DIP2C: variants seen among roughly 807,000 people sequenced by gnomAD.
The protein encoded by DIP2C is disco-interacting protein 2 homolog C.
DIP2C carries 33 observed loss-of-function variants against 192.4 expected under a neutral mutation model. That is an observed-to-expected ratio of 0.17 (90% CI 0.13 to 0.23). The LOEUF (loss-of-function observed/expected upper bound fraction) is 0.23, where lower values mean the gene tolerates loss of function less well. Ranked by LOEUF, DIP2C falls within the 10% of genes least tolerant of loss-of-function variation. The pLI is 1.00. For synonymous variants in DIP2C, 979 were observed against 864.1 expected (o/e 1.13, Z -2.33); for missense variants, 1,537 against 2,110.1 (o/e 0.73, Z 5.32).
At chr10:658,433 T>G (rs1856547366) in intron 1 of DIP2C, among the ~76,000 whole-genome samples, 1 of 152,236 alleles carries the variant, frequency 6.6e-6, no homozygotes, top group Non-Finnish European at 1.5e-5. Flanking sequence ...TGCTAACAAA[T>G]GCTGCAGACC....
chr10:300,469 G>A (rs909162351), intron 32 of DIP2C, among the ~76,000 whole-genome samples: 16 of 152,184 alleles, frequency 1.1e-4, no homozygotes, highest in Admixed American at 3.9e-4. Flanking sequence ...AAGTAGAATG[G>A]TGGGTACCAG....
chr10:535,936 C>A (rs761582040), intron 1 of DIP2C, among the ~76,000 whole-genome samples: 1 of 152,238 alleles, frequency 6.6e-6, no homozygotes, highest in Admixed American at 6.5e-5. Flanking sequence ...ATTTCTCTCC[C>A]ATTGCTCCCG....
chr10:689,156 C>CG lies in DIP2C; in HGVS notation c.85+337dup, dbSNP rs1171725672. Reference sequence around the variant, plus strand: ...AGGCCCCACAGACACCCCCAGGGCGCGGGGGGATCGCGGCCCCACAAACAT... The same window carrying CG: ...AGGCCCCACAGACACCCCCAGGGCGCGGGGGGGATCGCGGCCCCACAAACAT... On this transcript the variant is annotated intron_variant, in intron 1 of 36. Coordinates refer to ENST00000280886, the MANE Select transcript of DIP2C (RefSeq NM_014974.3). The surrounding 1 kb of genome is among the most constrained non-coding windows in gnomAD (Gnocchi z 6.1). Among the ~76,000 whole-genome samples, 1 of 150,252 alleles carries CG rather than the reference C, an allele frequency of 6.7e-6. No individual in the cohort carries two copies. Among genetic ancestry groups the CG allele is most frequent in the Non-Finnish European group, 1.5e-5 (1 of 67,422 alleles).
intron 1 of DIP2C, among the ~76,000 whole-genome samples, chr10:616,315 T>TGTCTGTAACG (rs1449908271): frequency 2.6e-5 from 4 of 152,258 alleles, no homozygotes; most frequent in African/African-American, 9.6e-5. Flanking sequence ...AATGAAAACT[T>TGTCTGTAACG]TAATCTGTGT....
At chr10:580,380 A>G (rs1453013565) in intron 1 of DIP2C, among the ~76,000 whole-genome samples, 4 of 152,188 alleles carry the variant, frequency 2.6e-5, no homozygotes, top group South Asian at 2.1e-4. Flanking sequence ...ATGTATATAT[A>G]TAAGTACACA....
chr10:447,423 A>G lies in DIP2C; in HGVS notation c.269-6427T>C, dbSNP rs12778745. Among the ~76,000 whole-genome samples the G allele has an allele frequency of 1.6e-4, 20 of 124,698 alleles. No individual in the cohort carries two copies. In the East Asian group the frequency reaches 1.6e-3, roughly 10 times the overall value. 81.8% of individuals were successfully genotyped at this position (124,698 alleles called of 152,430 possible). Reference sequence around the variant, plus strand: ...GGGGCAGCAGGACCCACTCATCCCCATCTATACTCAGGATCACACACAGTG... The same window carrying G: ...GGGGCAGCAGGACCCACTCATCCCCGTCTATACTCAGGATCACACACAGTG... On this transcript the variant is annotated intron_variant, in intron 3 of 36. Transcript: ENST00000280886.
At chr10:577,659 G>C (rs1461181953) in intron 1 of DIP2C, among the ~76,000 whole-genome samples, 3 of 152,126 alleles carry the variant, frequency 2.0e-5, no homozygotes, top group Non-Finnish European at 4.4e-5. Flanking sequence ...CTGCCTTCAA[G>C]GTGCTCAGAT....
At chr10:516,245 G>A (rs1448111512) in intron 1 of DIP2C, among the ~76,000 whole-genome samples, 2 of 123,756 alleles carry the variant, frequency 1.6e-5, no homozygotes, top group African/African-American at 6.4e-5. Flanking sequence ...ATGTTCCCAC[G>A]TTTATAACCT....
chr10:577,813 G>GT (rs923820982), intron 1 of DIP2C, among the ~76,000 whole-genome samples: 4 of 143,260 alleles, frequency 2.8e-5, no homozygotes, highest in South Asian at 2.1e-4. Context: ...TGTTTCTTTT[G>GT]TTTTTTTGTG....
chr10:459,003 A>AT (rs1353059277), intron 3 of DIP2C, among the ~76,000 whole-genome samples: 98 of 152,292 alleles, frequency 6.4e-4, no homozygotes, highest in African/African-American at 2.1e-3. Context: ...AAAAAAAAAA[A>AT]AAAAAAGCTT....
rs572390098 is a variant in DIP2C, at chr10:295,894, G to GT, written c.3987-7474dup. ...CGTGATGATAAGCATTTTTTCATGT[G>GT]TTTTTTGGCTGCATAAATGTCTTCT... On this transcript the variant is annotated intron_variant, in intron 32 of 36. Transcript: ENST00000280886. 6.6e-5 allele frequency among the ~76,000 whole-genome samples: 10 copies of GT among 152,248 alleles called. No homozygotes were observed. In the South Asian group the frequency reaches 2.1e-3, roughly 32 times the overall value.
intron 1 of DIP2C, among the ~76,000 whole-genome samples, chr10:512,276 T>C (rs939267863): frequency 2.0e-5 from 3 of 152,104 alleles, no homozygotes; most frequent in African/African-American, 7.2e-5. Flanking sequence ...GGGAAAAAAA[T>C]GGGCCAGATG....
intron 2 of DIP2C, among the ~76,000 whole-genome samples, chr10:482,726 G>A (rs958198271): frequency 6.6e-5 from 10 of 152,246 alleles, no homozygotes; most frequent in Admixed American, 4.6e-4. Context: ...AAATCTCCAC[G>A]GCCTGTGTCA....
rs34390976 is a variant in DIP2C, at chr10:393,778, C to CAAAAAAAAAAAAAAAAAAAAAAA, written c.1261-2916_1261-2915insTTTTTTTTTTTTTTTTTTTTTTT. The stretch of plus-strand genomic sequence containing the variant: ...TGGGTGACAGAGCGAGACTCCGTCT[C>CAAAAAAAAAAAAAAAAAAAAAAA]AAAAAAAAAAAAAAAAAAGAAAAAA... On this transcript the variant is annotated intron_variant, in intron 10 of 36. Coordinates refer to ENST00000280886, the MANE Select transcript of DIP2C (RefSeq NM_014974.3). Among the ~76,000 whole-genome samples, 5 of 66,530 alleles carry CAAAAAAAAAAAAAAAAAAAAAAA rather than the reference C, an allele frequency of 7.5e-5. 1 individual carries two copies. The highest frequency in any genetic ancestry group is 1.3e-3 in the South Asian group (2 of 1,578). 43.6% of individuals were successfully genotyped at this position (66,530 alleles called of 152,430 possible). A position where few individuals can be genotyped will look rare whatever the true frequency, so the allele number is the denominator to read the frequency against.
chr10:482,172 TGCAGCGGCATGGCTGTCGGGAGGG>T (rs1029161076), intron 2 of DIP2C, among the ~76,000 whole-genome samples: 10 of 152,174 alleles, frequency 6.6e-5, no homozygotes, highest in African/African-American at 2.4e-4. Context: ...CTCATGTGGA[TGCAGCGGCATGGCTGTCGGGAGGG>T]ACAGCGGCGT....
intron 3 of DIP2C, among the ~76,000 whole-genome samples, chr10:453,841 C>T (rs1969058353): frequency 6.6e-6 from 1 of 152,224 alleles, no homozygotes; most frequent in African/African-American, 2.4e-5. Context: ...TGGAGAAGCT[C>T]CTACAAAGCT....
intron 1 of DIP2C, among the ~76,000 whole-genome samples, chr10:569,442 G>T (rs1461234580): frequency 6.6e-6 from 1 of 152,140 alleles, no homozygotes; most frequent in African/African-American, 2.4e-5. Flanking sequence ...ACATAATGAT[G>T]TGTGACAACA....
At chr10:472,130 T>C (rs1406078770) in intron 3 of DIP2C, among the ~76,000 whole-genome samples, 1 of 152,168 alleles carries the variant, frequency 6.6e-6, no homozygotes, top group Non-Finnish European at 1.5e-5. Context: ...AAAACTATAC[T>C]AGCAACCACG....
chr10:458,175 G>C (rs969391397), intron 3 of DIP2C, among the ~76,000 whole-genome samples: 1 of 152,194 alleles, frequency 6.6e-6, no homozygotes, highest in African/African-American at 2.4e-5. Flanking sequence ...CATCACAGTG[G>C]CTACACAGTC....
Sources: allele counts gnomAD v4.1 joint callset (sites outside exome capture counted in the v4.1 genomes callset), GRCh38; gene constraint gnomAD v4.1.1; non-coding constraint Gnocchi (gnomAD v3.1); transcripts MANE v1.5; gene names NCBI Gene and HGNC (gene_info 2026-07-23, HGNC 2026-07-21).